Variants in TTLL7 observed in about 807,000 individuals in gnomAD.
The protein encoded by TTLL7 is tubulin tyrosine ligase like 7, also known as tubulin polyglutamylase TTLL7.
In TTLL7, 53 loss-of-function variants were observed where a neutral mutation model predicts 120.2. The observed-to-expected ratio is 0.44, with a 90% confidence interval of 0.35 to 0.55. The LOEUF is 0.55. Among genes scored for constraint, TTLL7 ranks in the 20% least tolerant of loss-of-function variants. The probability of loss-of-function intolerance (pLI) is 0.00; values close to 1 mark genes in which losing one functional copy is unlikely to be tolerated. For missense variants in TTLL7, 803 were observed against 1,054.7 expected, an observed-to-expected ratio of 0.76 and a Z score of 3.31; for synonymous variants, 353 against 351.7, an observed-to-expected ratio of 1.00 and a Z score of -0.04.
At chr1:83,914,190 C>T (rs988217425) in intron 14 of TTLL7, among the ~76,000 whole-genome samples, 2 of 152,148 alleles carry the variant, frequency 1.3e-5, no homozygotes, top group Admixed American at 6.5e-5. Flanking sequence ...TGTATCATTT[C>T]ACTATCCAAG....
chr1:83,961,226 T>G (rs1230702966), intron 1 of TTLL7, among the ~76,000 whole-genome samples: 1 of 152,018 alleles, frequency 6.6e-6, no homozygotes, highest in Non-Finnish European at 1.5e-5. Flanking sequence ...CTCTGGAAGG[T>G]TTTTTTGAAT....
chr1:83,922,523 T>C (rs1308754287), intron 10 of TTLL7, among the ~76,000 whole-genome samples: 2 of 152,160 alleles, frequency 1.3e-5, no homozygotes, highest in East Asian at 3.8e-4. Context: ...AACTGATCCA[T>C]TCTCTTTCAT....
intron 10 of TTLL7, among the ~76,000 whole-genome samples, chr1:83,926,464 T>C (rs1290898196): frequency 1.3e-5 from 2 of 152,068 alleles, no homozygotes; most frequent in Non-Finnish European, 2.9e-5. Context: ...TATTGCTACA[T>C]ACATGTCAGA....
intron 1 of TTLL7, among the ~76,000 whole-genome samples, chr1:83,978,246 T>C (rs932788010): frequency 6.6e-5 from 10 of 152,140 alleles, no homozygotes; most frequent in African/African-American, 2.4e-4. Context: ...GAAGGGAGAT[T>C]GAGTTACAAA....
chr1:83,890,632 T>A (rs1655388280), intron 18 of TTLL7, 151 bp from the exon 19 acceptor site: 3 of 562,442 alleles, frequency 5.3e-6, no homozygotes, highest in Non-Finnish European at 8.9e-6. Flanking sequence ...TAGCCTGGCA[T>A]TATGGCCCAC....
chr1:83,960,957 G>T (rs1179335096), intron 1 of TTLL7, among the ~76,000 whole-genome samples: 2 of 152,066 alleles, frequency 1.3e-5, no homozygotes, highest in African/African-American at 4.8e-5. Context: ...CCCAAAGCTG[G>T]ATCTGTCCTG....
intron 1 of TTLL7, among the ~76,000 whole-genome samples, chr1:83,996,867 C>CTT (rs560347085): frequency 7.0e-6 from 1 of 143,372 alleles, no homozygotes. Context: ...ATGCACTTTC[C>CTT]TTTTTTTTTT....
At chr1:83,977,821 T>C (rs1467653529) in intron 1 of TTLL7, among the ~76,000 whole-genome samples, 1 of 152,168 alleles carries the variant, frequency 6.6e-6, no homozygotes, top group African/African-American at 2.4e-5. Flanking sequence ...TGGAAAGTCA[T>C]ATTGTGACTG....
chr1:83,933,500 A>G, intron 9 of TTLL7, 108 bp downstream of exon 9: 3 of 1,197,180 alleles, frequency 2.5e-6, no homozygotes, highest in East Asian at 4.7e-5. Context: ...TTCAGCCTTC[A>G]TTCTGGACAG....
chr1:83,897,247 T>C (rs1396153514), intron 18 of TTLL7, among the ~76,000 whole-genome samples: 3 of 152,092 alleles, frequency 2.0e-5, no homozygotes, highest in Admixed American at 6.6e-5. Flanking sequence ...ATTTCCATAA[T>C]GGTCTCTAAA....
intron 18 of TTLL7, among the ~76,000 whole-genome samples, chr1:83,897,464 G>A (rs1157415640): frequency 6.6e-6 from 1 of 152,080 alleles, no homozygotes; most frequent in Non-Finnish European, 1.5e-5. Context: ...AAATTAAAAT[G>A]TATCACGCAC....
At position 83,904,088 on chromosome 1, in the gene TTLL7, T is replaced by C; in HGVS notation, c.2199A>G (p.Lys733=). ...TTTGAGCATTACTCACTTTTCGTTG[T>C]TTTACAGAGTCCAATTTTATGAGCC... The part of the protein sequence containing the change: ...SYWLIKLDSV[K]QRKVLDIVKT... Residue 733 remains lysine, a synonymous_variant, in exon 18 of 21, where the codon AAA becomes AAG. Transcript: ENST00000260505. 6.2e-7 allele frequency: 1 copy of C among 1,611,702 alleles called. No individual in the cohort carries two copies. Among genetic ancestry groups the C allele is most frequent in the Non-Finnish European group, 8.5e-7 (1 of 1,178,686 alleles).
intron 1 of TTLL7, among the ~76,000 whole-genome samples, chr1:83,956,598 T>C (rs1056881860): frequency 1.3e-5 from 2 of 151,990 alleles, no homozygotes; most frequent in African/African-American, 4.8e-5. Context: ...TGGCTAATTG[T>C]TTTGTATTTT....
intron 13 of TTLL7, among the ~76,000 whole-genome samples, chr1:83,917,983 T>C (rs1658334120): frequency 6.6e-6 from 1 of 152,164 alleles, no homozygotes; most frequent in Non-Finnish European, 1.5e-5. Context: ...AATACTTCAA[T>C]AAATTAGCCC....
rs1656869648 is a variant in TTLL7, at chr1:83,903,135, T to C, written c.2208+944A>G. On this transcript the variant is annotated intron_variant, in intron 18 of 20. Transcript: ENST00000260505. ...TCAACTGAAATAAAACCCAGTATCTTTCCATAGCCTACAAAGTTGTGACCT... is the reference window on the plus strand; with the variant it reads ...TCAACTGAAATAAAACCCAGTATCTCTCCATAGCCTACAAAGTTGTGACCT... Among the ~76,000 whole-genome samples the C allele has an allele frequency of 2.0e-5, 3 of 152,018 alleles. No homozygotes were observed. In the South Asian group the frequency reaches 6.2e-4, roughly 31 times the overall value.
chr1:83,928,578 C>G (rs1335547299), intron 10 of TTLL7, among the ~76,000 whole-genome samples: 1 of 152,166 alleles, frequency 6.6e-6, no homozygotes, highest in African/African-American at 2.4e-5. Flanking sequence ...ACTTGCCTCT[C>G]TAAATGGAAA....
intron 1 of TTLL7, among the ~76,000 whole-genome samples, chr1:83,968,703 C>T (rs1424984426): frequency 6.6e-6 from 1 of 152,018 alleles, no homozygotes; most frequent in African/African-American, 2.4e-5. Flanking sequence ...ATGGAGTACT[C>T]ATCTTATACT....
At chr1:83,924,339 C>T (rs993534025) in intron 10 of TTLL7, among the ~76,000 whole-genome samples, 2 of 152,138 alleles carry the variant, frequency 1.3e-5, no homozygotes, top group Admixed American at 6.6e-5. Context: ...AATGTGCCGA[C>T]AAAATATGTG....
chr1:83,921,241 T>G lies in TTLL7; in HGVS notation c.1290+6A>C. The G allele has an allele frequency of 1.2e-6, 2 of 1,611,670 alleles. No homozygotes were observed. Among genetic ancestry groups the G allele is most frequent in the Middle Eastern group, 1.7e-4 (1 of 5,952 alleles). On this transcript the variant is annotated splice_donor_region_variant and intron_variant, in intron 11 of 20. Transcript: ENST00000260505. ...AATTGTGGGTACTTTCTTAAAACTTTCATACCAACTCTTCTTTCCGCCTCT... is the reference window on the plus strand; with the variant it reads ...AATTGTGGGTACTTTCTTAAAACTTGCATACCAACTCTTCTTTCCGCCTCT...
Sources: gnomAD v4.1 joint callset for allele counts (sites outside exome capture counted in the v4.1 genomes callset) on GRCh38, gnomAD v4.1.1 for gene constraint, MANE v1.5 for transcripts, NCBI Gene and HGNC (gene_info 2026-07-23, HGNC 2026-07-21) for gene names.